Variants in RIT2 observed in about 807,000 individuals in gnomAD.
RIT2 encodes Ras like without CAAX 2, also known as GTP-binding protein Rit2.
Under a neutral mutation model 23.7 loss-of-function variants are expected in RIT2, and 24 were observed. That is an observed-to-expected ratio of 1.01 (90% CI 0.73 to 1.43). RIT2 has a LOEUF of 1.43. Among genes scored for constraint, RIT2 ranks in the 40% most tolerant of loss-of-function variants. The probability of loss-of-function intolerance (pLI) is 0.00; values close to 1 mark genes in which losing one functional copy is unlikely to be tolerated. For synonymous variants in RIT2, 107 were observed against 91.1 expected (o/e 1.17, Z -0.99); for missense variants, 236 against 266.9 (o/e 0.88, Z 0.81).
At chr18:43,022,229 C>T (rs575147254) in intron 2 of RIT2, among the ~76,000 whole-genome samples, 22 of 152,090 alleles carry the variant, frequency 1.4e-4, no homozygotes, top group Admixed American at 5.9e-4. Flanking sequence ...CATATGTTCT[C>T]GCTTATAAGT....
At chr18:42,917,980 A>G (rs1438298825) in intron 4 of RIT2, among the ~76,000 whole-genome samples, 1 of 152,106 alleles carries the variant, frequency 6.6e-6, no homozygotes, top group Non-Finnish European at 1.5e-5. Flanking sequence ...CACTGCTCAG[A>G]ACTGTGTACA....
At chr18:42,760,995 T>C (rs1598643375) in intron 4 of RIT2, among the ~76,000 whole-genome samples, 1 of 152,336 alleles carries the variant, frequency 6.6e-6, no homozygotes, top group East Asian at 1.9e-4. Context: ...GCATATTTTA[T>C]TGAATCAGAC....
At chr18:42,896,062 G>A (rs1410920958) in intron 4 of RIT2, among the ~76,000 whole-genome samples, 1 of 152,086 alleles carries the variant, frequency 6.6e-6, no homozygotes, top group African/African-American at 2.4e-5. Context: ...TCAGGAGTTC[G>A]AGACCAGCCT....
At chr18:42,886,556 C>T (rs114993769) in intron 4 of RIT2, among the ~76,000 whole-genome samples, 298 of 152,218 alleles carry the variant, frequency 2.0e-3, no homozygotes, top group African/African-American at 6.1e-3. Flanking sequence ...ATTATGCAAA[C>T]GGGTGTAAAT....
In RIT2 at chr18:42,986,435, T is replaced by C. The variant is rs550050678; in HGVS notation, c.161-12288A>G. 3.9e-5 allele frequency among the ~76,000 whole-genome samples: 6 copies of C among 151,940 alleles called. No homozygotes were observed. In the South Asian group the frequency reaches 1.3e-3, roughly 32 times the overall value. On this transcript the variant is annotated intron_variant, in intron 2 of 4. Transcript: ENST00000326695. ...TTAGCTTTCTTTTTGGTTGTTGGGG[T>C]GGTGGTTTTTAGTTGGTTGGTTTGT...
At chr18:42,993,784 C>T (rs998839389) in intron 2 of RIT2, among the ~76,000 whole-genome samples, 10 of 152,010 alleles carry the variant, frequency 6.6e-5, no homozygotes, top group Non-Finnish European at 1.3e-4. Flanking sequence ...TATAAGATAC[C>T]TCTGCTCCCT....
chr18:43,081,040 C>T (rs1200640489), intron 1 of RIT2, among the ~76,000 whole-genome samples: 1 of 152,122 alleles, frequency 6.6e-6, no homozygotes, highest in East Asian at 1.9e-4. Flanking sequence ...AACAATGATC[C>T]TTATTAGCAA....
At chr18:42,884,555 A>G (rs567823987) in intron 4 of RIT2, among the ~76,000 whole-genome samples, 1 of 152,312 alleles carries the variant, frequency 6.6e-6, no homozygotes, top group South Asian at 2.1e-4. Flanking sequence ...AATCACCCTC[A>G]GTATTCATTC....
chr18:42,796,562 C>T (rs1188464887), intron 4 of RIT2, among the ~76,000 whole-genome samples: 1 of 152,190 alleles, frequency 6.6e-6, no homozygotes, highest in Non-Finnish European at 1.5e-5. Context: ...CAGACTAATA[C>T]AGTGAATTAA....
intron 4 of RIT2, among the ~76,000 whole-genome samples, chr18:42,812,509 A>C (rs898001039): frequency 2.0e-5 from 3 of 152,110 alleles, no homozygotes; most frequent in African/African-American, 7.2e-5. Context: ...GAATGTCCCC[A>C]TTTCTTTACT....
chr18:42,928,402 A>G (rs534137897), intron 3 of RIT2, among the ~76,000 whole-genome samples: 17 of 152,186 alleles, frequency 1.1e-4, no homozygotes, highest in Admixed American at 7.2e-4. Context: ...TATTATTTGT[A>G]CAGAGCTCCT....
chr18:42,908,697 C>G (rs1464426716), intron 4 of RIT2, among the ~76,000 whole-genome samples: 1 of 152,058 alleles, frequency 6.6e-6, no homozygotes, highest in Non-Finnish European at 1.5e-5. Flanking sequence ...ATCCTTCATA[C>G]TGAAATAAAG....
intron 4 of RIT2, among the ~76,000 whole-genome samples, chr18:42,768,403 C>T (rs1913474986): frequency 6.6e-6 from 1 of 152,144 alleles, no homozygotes; most frequent in African/African-American, 2.4e-5. Context: ...TCATCCTGGG[C>T]ACAGGTGTAG....
At chr18:42,959,651 G>C (rs983326919) in intron 3 of RIT2, among the ~76,000 whole-genome samples, 12 of 152,176 alleles carry the variant, frequency 7.9e-5, no homozygotes, top group Admixed American at 2.6e-4. Flanking sequence ...TCATTTGTCA[G>C]ATTTAAGCCA....
At position 42,874,443 on chromosome 18, in the gene RIT2, T is replaced by C. The variant is rs1039575604; in HGVS notation, c.426+49129A>G. Among the ~76,000 whole-genome samples the C allele has an allele frequency of 4.6e-5, 7 of 152,282 alleles. 1 individual carries two copies. The highest frequency in any genetic ancestry group is 2.6e-4 in the Admixed American group (4 of 15,276). ...TGCATAAACACAACTAGTATTTGTA[T>C]GTGACTGACATGGAAATCTTTACAA... On this transcript the variant is annotated intron_variant, in intron 4 of 4. Transcript: ENST00000326695.
intron 4 of RIT2, among the ~76,000 whole-genome samples, chr18:42,913,534 AG>A (rs1009855757): frequency 1.3e-4 from 20 of 151,676 alleles, no homozygotes; most frequent in East Asian, 1.9e-4. Context: ...AACTTAAAAA[AG>A]AAACAATCCA....
intron 4 of RIT2, among the ~76,000 whole-genome samples, chr18:42,810,220 A>G (rs1905813236): frequency 6.6e-6 from 1 of 151,574 alleles, no homozygotes; most frequent in South Asian, 2.1e-4. Flanking sequence ...TTGGGGCTGT[A>G]TTAATAAATA....
At chr18:43,056,489 G>A in intron 1 of RIT2, among the ~76,000 whole-genome samples, 1 of 152,132 alleles carries the variant, frequency 6.6e-6, no homozygotes, top group African/African-American at 2.4e-5. Context: ...TGAATTTACA[G>A]GAACTATGGT....
chr18:42,845,644 T>A (rs1906887330), intron 4 of RIT2, among the ~76,000 whole-genome samples: 1 of 149,570 alleles, frequency 6.7e-6, no homozygotes, highest in Admixed American at 6.7e-5. Context: ...ATTTAAATTA[T>A]AATAGAAATA....
Sources: gnomAD v4.1 joint callset for allele counts (sites outside exome capture counted in the v4.1 genomes callset) on GRCh38, gnomAD v4.1.1 for gene constraint, MANE v1.5 for transcripts, NCBI Gene and HGNC (gene_info 2026-07-23, HGNC 2026-07-21) for gene names.